CACNA1E: variants seen among roughly 807,000 people sequenced by gnomAD.
CACNA1E encodes the protein calcium voltage-gated channel subunit alpha1 E.
A neutral mutation model predicts 259.2 loss-of-function variants in CACNA1E; 40 were observed. The observed-to-expected ratio is 0.15, with a 90% CI of 0.12 to 0.20. The LOEUF (loss-of-function observed/expected upper bound fraction) is 0.20, where lower values mean the gene tolerates loss of function less well. Ranked by LOEUF, CACNA1E falls within the 10% of genes least tolerant of loss-of-function variation. The pLI is 1.00. For missense variants in CACNA1E, 1,874 were observed against 3,040.1 expected, an observed-to-expected ratio of 0.62 and a Z score of 9.02; for synonymous variants, 1,104 against 1,138.5, an observed-to-expected ratio of 0.97 and a Z score of 0.61.
At position 181,801,447 on chromosome 1, in the gene CACNA1E, C is replaced by G. The variant is rs949943673; in HGVS notation, c.*2613C>G. ...CAGATGCGGTCACCTGACTGACCACCTGGGTTTTCTATTACCAGTGAATTT... is the reference window on the plus strand; with the variant it reads ...CAGATGCGGTCACCTGACTGACCACGTGGGTTTTCTATTACCAGTGAATTT... On this transcript the variant is annotated 3_prime_UTR_variant, in exon 48 of 48. Coordinates refer to ENST00000367573, the MANE Select transcript of CACNA1E (RefSeq NM_001205293.3). 6 of 152,224 alleles carry G rather than the reference C, an allele frequency of 3.9e-5. No individual in the cohort carries two copies. The highest frequency in any genetic ancestry group is 1.4e-4 in the African/African-American group (6 of 41,460). The allele number at this position is 152,224 out of a possible 1,614,324, so 9.4% of individuals were successfully genotyped here. A position where few individuals can be genotyped will look rare whatever the true frequency, so the allele number is the denominator to read the frequency against.
Position 181,798,270 on chromosome 1 carries a change from C to T in CACNA1E, c.6400-22C>T, listed in dbSNP as rs373653538. On this transcript the variant is annotated intron_variant, in intron 47 of 47. Coordinates refer to ENST00000367573, the MANE Select transcript of CACNA1E (RefSeq NM_001205293.3). This position sits in a 1 kb window ranked among gnomAD's most constrained non-coding sequence, Gnocchi z 4.2. ...ATCATGCCAAGCCCAATCTAACATG[C>T]CATGTCTCTCCTGCTATACAGGGCA... 3.2e-5 allele frequency: 50 copies of T among 1,554,774 alleles called. No individual in the cohort carries two copies. The African/African-American group carries it at 6.0e-4, about 19-fold the overall frequency.
chr1:181,571,904 G>T (rs917246622), intron 3 of CACNA1E, among the ~76,000 whole-genome samples: 3 of 152,078 alleles, frequency 2.0e-5, no homozygotes, highest in Non-Finnish European at 2.9e-5. Flanking sequence ...TTTATCTGGT[G>T]TTTTCTGGTT....
chr1:181,522,309 A>G (rs1372802113), intron 3 of CACNA1E, among the ~76,000 whole-genome samples: 2 of 152,192 alleles, frequency 1.3e-5, no homozygotes, highest in East Asian at 3.8e-4. Context: ...GAGTAGAGAC[A>G]TAGTCCCTGG....
At chr1:181,574,085 A>G (rs1037898125) in intron 3 of CACNA1E, among the ~76,000 whole-genome samples, 1 of 152,322 alleles carries the variant, frequency 6.6e-6, no homozygotes, top group East Asian at 1.9e-4. Context: ...ATGAGAACAC[A>G]TGGACACAGG....
chr1:181,651,450 G>C lies in CACNA1E; in HGVS notation c.1055+9G>C. On this transcript the variant is annotated intron_variant, in intron 7 of 47. Transcript: ENST00000367573. The stretch of plus-strand genomic sequence containing the variant: ...CTGGGAGTGCTTTCCGGGTGAGCCA[G>C]ATGTTTCTCTCTTCTTAACTCATTT... 1 of 1,590,148 alleles carries C rather than the reference G, an allele frequency of 6.3e-7. No homozygotes were observed. Among genetic ancestry groups the C allele is most frequent in the Non-Finnish European group, 8.6e-7 (1 of 1,158,506 alleles).
At chr1:181,379,661 T>C (rs1024033690) in intron 1 of CACNA1E, among the ~76,000 whole-genome samples, 5 of 152,130 alleles carry the variant, frequency 3.3e-5, no homozygotes, top group African/African-American at 1.2e-4. Flanking sequence ...CTCTCTGGGA[T>C]CTCTTTTATA....
rs533998269 is a variant in CACNA1E at position 181,544,386 on chromosome 1, A to T, written c.512+32876A>T. Reference sequence around the variant, plus strand: ...AATTAGATAGTGGTGATGGTTGCACAATCCTGAATATACTAAAAAAAAAAA... The same window carrying T: ...AATTAGATAGTGGTGATGGTTGCACTATCCTGAATATACTAAAAAAAAAAA... On this transcript the variant is annotated intron_variant, in intron 3 of 47. Transcript: ENST00000367573. Among the ~76,000 whole-genome samples, 26 of 132,098 alleles carry T rather than the reference A, an allele frequency of 2.0e-4. 2 individuals are homozygous for T. In the South Asian group the frequency reaches 7.2e-3, roughly 36 times the overall value. The allele number at this position is 132,098 out of a possible 152,430, so 86.7% of individuals were successfully genotyped here.
At position 181,720,235 on chromosome 1, in the gene CACNA1E, T is replaced by C; in HGVS notation, c.1781T>C (p.Val594Ala). The C allele has an allele frequency of 1.2e-6, 2 of 1,613,948 alleles. No homozygotes were observed. The highest frequency in any genetic ancestry group is 1.7e-6 in the Non-Finnish European group (2 of 1,179,862). Reference protein sequence around the residue: ...KYWASLRNLVVSLMSSMKSII... With the variant: ...KYWASLRNLVASLMSSMKSII... ...TGGGCTTCCCTACGGAATTTGGTGG[T>C]CTCCTTGATGAGCTCAATGAAGTCT... The change falls in exon 14 of 48, where the codon GTC becomes GCC. Residue 594 changes from valine (V) to alanine (A), a missense_variant. Physicochemically the swap from Val to Ala is moderately conservative, Grantham distance 64. This residue lies in a region of CACNA1E where 102 missense variants were observed against 279.4 expected (regional missense o/e 0.37). Coordinates refer to ENST00000367573, the MANE Select transcript of CACNA1E (RefSeq NM_001205293.3).
intron 6 of CACNA1E, among the ~76,000 whole-genome samples, chr1:181,582,896 T>A (rs375452212): frequency 6.6e-6 from 1 of 152,004 alleles, no homozygotes; most frequent in South Asian, 2.1e-4. Context: ...GGGGAGGAGA[T>A]CAAGTTGCAG....
chr1:181,566,289 C>G (rs1045598892), intron 3 of CACNA1E, among the ~76,000 whole-genome samples: 1 of 152,206 alleles, frequency 6.6e-6, no homozygotes, highest in African/African-American at 2.4e-5. Flanking sequence ...TAGTTTCTCT[C>G]TCTGAACCTT....
chr1:181,532,971 G>C (rs545849338), intron 3 of CACNA1E, among the ~76,000 whole-genome samples: 13 of 152,302 alleles, frequency 8.5e-5, no homozygotes, highest in African/African-American at 2.6e-4. Flanking sequence ...TGCCTAGCTT[G>C]TGGAAGAGTG....
chr1:181,646,276 G>A (rs1658255526), intron 6 of CACNA1E, among the ~76,000 whole-genome samples: 1 of 152,224 alleles, frequency 6.6e-6, no homozygotes, highest in African/African-American at 2.4e-5. Context: ...TGCATCTGGA[G>A]AAGTACTAGT....
chr1:181,374,105 T>C (rs1035909591), intron 1 of CACNA1E, among the ~76,000 whole-genome samples: 1 of 152,210 alleles, frequency 6.6e-6, no homozygotes, highest in Admixed American at 6.5e-5. Flanking sequence ...GGTTGTTAAT[T>C]TGAGATCTTT....
At chr1:181,785,922 T>C (rs900950875) in intron 43 of CACNA1E, 103 bp downstream of exon 43, 2 of 716,236 alleles carry the variant, frequency 2.8e-6, no homozygotes, top group East Asian at 2.6e-5. Flanking sequence ...CAAGAACAAA[T>C]ACTCTGAGCT....
chr1:181,540,502 C>T (rs1333209089), intron 3 of CACNA1E, among the ~76,000 whole-genome samples: 1 of 152,132 alleles, frequency 6.6e-6, no homozygotes, highest in East Asian at 1.9e-4. Context: ...ATATGCTCCC[C>T]AAAATATGTC....
chr1:181,539,590 A>T (rs545649640), intron 3 of CACNA1E, among the ~76,000 whole-genome samples: 1 of 152,190 alleles, frequency 6.6e-6, no homozygotes, highest in Non-Finnish European at 1.5e-5. Context: ...TCCTTTTACC[A>T]CTACTAATGC....
chr1:181,616,419 A>G (rs145407859), intron 6 of CACNA1E, among the ~76,000 whole-genome samples: 2,845 of 152,222 alleles, frequency 0.019, 40 homozygotes, highest in Non-Finnish European at 0.029. Flanking sequence ...GTTATTTACC[A>G]TGTTGAAAGA....
intron 6 of CACNA1E, among the ~76,000 whole-genome samples, chr1:181,646,909 G>A (rs867808105): frequency 1.3e-4 from 20 of 152,254 alleles, no homozygotes; most frequent in Non-Finnish European, 2.1e-4. Flanking sequence ...ACTGGTACCC[G>A]CTGAGCACTC....
chr1:181,427,516 A>C (rs1361104276), intron 2 of CACNA1E, among the ~76,000 whole-genome samples: 5 of 115,042 alleles, frequency 4.3e-5, no homozygotes, highest in Admixed American at 9.0e-5. Context: ...ACTGCTCTCT[A>C]CCTCAACTCC....
Sources: gnomAD v4.1 joint callset for allele counts (sites outside exome capture counted in the v4.1 genomes callset) on GRCh38, gnomAD v4.1.1 for gene constraint, gnomAD v4.1.1 regional missense constraint, Gnocchi (gnomAD v3.1) non-coding constraint, MANE v1.5 for transcripts, NCBI Gene and HGNC (gene_info 2026-07-23, HGNC 2026-07-21) for gene names.